SAV1: variants seen among roughly 807,000 people sequenced by gnomAD.
SAV1 encodes salvador family WW domain containing protein 1.
A neutral mutation model predicts 47.3 loss-of-function variants in SAV1; 23 were observed. That is an observed-to-expected ratio of 0.49 (90% CI 0.35 to 0.69). The LOEUF (loss-of-function observed/expected upper bound fraction) is 0.69. Ranked by LOEUF, SAV1 falls within the 30% of genes least tolerant of loss-of-function variation. The pLI is 0.01. For missense variants in SAV1, 448 were observed against 457.4 expected (o/e 0.98, Z 0.19); for synonymous variants, 155 against 159.2 (o/e 0.97, Z 0.20).
chr14:50,646,578 C>T lies in SAV1; in HGVS notation c.536-1564G>A, dbSNP rs143617364. On this transcript the variant is annotated intron_variant, in intron 2 of 4. Coordinates refer to ENST00000324679, the MANE Select transcript of SAV1 (RefSeq NM_021818.4). ...GCGGACGCCTGTAATCCCAGCTACT[C>T]GGGAGGCTGAGGCAGGAGAATTGCT... Among the ~76,000 whole-genome samples the T allele has an allele frequency of 7.9e-3, 1,182 of 150,124 alleles. 8 individuals carry two copies. Among genetic ancestry groups the T allele is most frequent in the African/African-American group, 0.027 (1,100 of 40,804 alleles).
chr14:50,651,485 A>G (rs75749488), intron 2 of SAV1, among the ~76,000 whole-genome samples: 6,649 of 152,298 alleles, frequency 0.044, 140 homozygotes, highest in Middle Eastern at 0.051. Flanking sequence ...TATGTAACTT[A>G]CAACAAAATT....
intron 2 of SAV1, among the ~76,000 whole-genome samples, chr14:50,658,477 C>T (rs2039831480): frequency 6.6e-6 from 1 of 152,160 alleles, no homozygotes; most frequent in African/African-American, 2.4e-5. Flanking sequence ...GAAAGTTCTA[C>T]AGCTAAACGT....
chr14:50,635,775 T>C (rs1399082910), intron 4 of SAV1, among the ~76,000 whole-genome samples: 3 of 152,204 alleles, frequency 2.0e-5, no homozygotes, highest in African/African-American at 7.2e-5. Flanking sequence ...AGTGGCGTGA[T>C]CTCAGCTCAC....
chr14:50,659,683 A>G (rs1005806845), intron 2 of SAV1, among the ~76,000 whole-genome samples: 5 of 152,154 alleles, frequency 3.3e-5, no homozygotes, highest in Non-Finnish European at 7.4e-5. Flanking sequence ...AGTCTCTACT[A>G]AAAATACAAA....
intron 2 of SAV1, among the ~76,000 whole-genome samples, chr14:50,655,286 AT>A (rs2039802986): frequency 6.6e-6 from 1 of 152,158 alleles, no homozygotes; most frequent in African/African-American, 2.4e-5. Flanking sequence ...CAATGTAACA[AT>A]TTTTTCTAAT....
At chr14:50,657,357 T>C (rs910514419) in intron 2 of SAV1, among the ~76,000 whole-genome samples, 5 of 152,174 alleles carry the variant, frequency 3.3e-5, no homozygotes, top group Admixed American at 6.5e-5. Context: ...GTGTATTCTA[T>C]CCCCAGCTCT....
At position 50,640,830 on chromosome 14, in the gene SAV1, C is replaced by A. The variant is rs750590883; in HGVS notation, c.870G>T (p.Gln290His). ...ATGGATTTGCAGGTACCAGAAGGGA[C>A]TGATTTCTTTCAGTTTGCTGTGGCT... ...TYQPQQTERN[Q>H]SLLVPANPYH... Residue 290 changes from glutamine (Q) to histidine (H), a missense_variant, in exon 4 of 5, where the codon CAG becomes CAT. Transcript: ENST00000324679. The A allele has an allele frequency of 1.1e-5, 17 of 1,613,710 alleles. No individual in the cohort carries two copies. The East Asian group carries it at 1.8e-4, about 17-fold the overall frequency.
At chr14:50,644,654 G>C (rs2039705559) in intron 3 of SAV1, 90 bp downstream of exon 3, 1 of 1,217,534 alleles carries the variant, frequency 8.2e-7, no homozygotes, top group African/African-American at 1.5e-5. Context: ...CAAGCTTTAG[G>C]ATGCTATTCT....
intron 2 of SAV1, among the ~76,000 whole-genome samples, chr14:50,662,186 T>A (rs1394925011): frequency 1.4e-5 from 2 of 146,332 alleles, no homozygotes; most frequent in Non-Finnish European, 3.0e-5. Context: ...TTATTTATTT[T>A]GAGACGGAGT....
chr14:50,659,257 T>C (rs1451207256), intron 2 of SAV1, among the ~76,000 whole-genome samples: 1 of 152,150 alleles, frequency 6.6e-6, no homozygotes, highest in Non-Finnish European at 1.5e-5. Context: ...TCAAATCTTA[T>C]TTCAGTGCAT....
chr14:50,662,121 G>C (rs997716866), intron 2 of SAV1, among the ~76,000 whole-genome samples: 13 of 152,048 alleles, frequency 8.5e-5, no homozygotes, highest in Non-Finnish European at 1.9e-4. Context: ...ATTTGTTTTT[G>C]TGCTCTTCAA....
intron 2 of SAV1, among the ~76,000 whole-genome samples, chr14:50,646,720 T>C (rs1476689492): frequency 6.6e-6 from 1 of 152,060 alleles, no homozygotes; most frequent in Non-Finnish European, 1.5e-5. Flanking sequence ...CATGGAGTTT[T>C]TGTAGATACA....
At chr14:50,662,237 C>A (rs1371353005) in intron 2 of SAV1, among the ~76,000 whole-genome samples, 1 of 152,144 alleles carries the variant, frequency 6.6e-6, no homozygotes, top group Non-Finnish European at 1.5e-5. Flanking sequence ...GGCGCAATCT[C>A]AGCTCACTGC....
At chr14:50,644,702 C>G in intron 3 of SAV1, 42 bp downstream of exon 3, 1 of 1,568,794 alleles carries the variant, frequency 6.4e-7, no homozygotes, top group Non-Finnish European at 8.7e-7. Context: ...TAACATTAGA[C>G]AATCCCGAAA....
intron 3 of SAV1, among the ~76,000 whole-genome samples, chr14:50,643,364 C>T (rs1338411629): frequency 6.6e-6 from 1 of 152,092 alleles, no homozygotes; most frequent in Non-Finnish European, 1.5e-5. Flanking sequence ...AAACTTAAAT[C>T]ATGGCAGAAG....
intron 2 of SAV1, among the ~76,000 whole-genome samples, chr14:50,650,377 A>G (rs1435812707): frequency 6.6e-6 from 1 of 152,192 alleles, no homozygotes; most frequent in Non-Finnish European, 1.5e-5. Context: ...CCCTGGAATA[A>G]TATTCGGGAT....
chr14:50,648,943 CT>C (rs2039745067), intron 2 of SAV1, among the ~76,000 whole-genome samples: 1 of 152,100 alleles, frequency 6.6e-6, no homozygotes, highest in Non-Finnish European at 1.5e-5. Context: ...TGTCTCATTA[CT>C]TGATGAAAGT....
chr14:50,656,948 A>G (rs1206905727), intron 2 of SAV1, among the ~76,000 whole-genome samples: 1 of 152,086 alleles, frequency 6.6e-6, no homozygotes, highest in Non-Finnish European at 1.5e-5. Flanking sequence ...CTCCAGTATG[A>G]GTTCAGCCAG....
intron 1 of SAV1, among the ~76,000 whole-genome samples, chr14:50,666,377 G>A (rs145940719): frequency 3.9e-5 from 6 of 152,286 alleles, no homozygotes; most frequent in African/African-American, 1.4e-4. Context: ...AACAGCTTAA[G>A]ACATTCCCAG....
Sources: allele counts gnomAD v4.1 joint callset (sites outside exome capture counted in the v4.1 genomes callset), GRCh38; gene constraint gnomAD v4.1.1; transcripts MANE v1.5; gene names NCBI Gene and HGNC (gene_info 2026-07-23, HGNC 2026-07-21).